Variants in XPO4 observed in about 807,000 individuals in gnomAD.
XPO4 encodes exportin-4.
XPO4 carries 39 observed loss-of-function variants against 143.0 expected under a neutral mutation model. The ratio of observed to expected loss-of-function variants is 0.27; its 90% CI spans 0.21 to 0.36. The LOEUF is 0.36. Among genes scored for constraint, XPO4 ranks in the 10% least tolerant of loss-of-function variants. The probability of loss-of-function intolerance (pLI) is 1.00; values close to 1 mark genes in which losing one functional copy is unlikely to be tolerated. For missense variants in XPO4, 907 were observed against 1,348.0 expected (o/e 0.67, Z 5.12); for synonymous variants, 439 against 474.0 (o/e 0.93, Z 0.96).
At chr13:20,857,619 C>T (rs1347513211) in intron 3 of XPO4, among the ~76,000 whole-genome samples, 2 of 151,794 alleles carry the variant, frequency 1.3e-5, no homozygotes, top group Non-Finnish European at 2.9e-5. Context: ...CCCAACTACT[C>T]GGGAGGCTGA....
intron 1 of XPO4, chr13:20,869,673 C>G (rs942857159): frequency 1.5e-5 from 11 of 740,302 alleles, no homozygotes; most frequent in Admixed American, 1.3e-4. Context: ...AAAAGTTATT[C>G]ACCCAGGAAA....
chr13:20,822,314 T>A, intron 7 of XPO4, 25 bp from the exon 8 acceptor site: 1 of 1,594,496 alleles, frequency 6.3e-7, no homozygotes, highest in East Asian at 2.2e-5. Context: ...TACTAATCCA[T>A]AAATATAAAT....
At chr13:20,805,226 T>G (rs2137871886) in intron 13 of XPO4, among the ~76,000 whole-genome samples, 1 of 152,306 alleles carries the variant, frequency 6.6e-6, no homozygotes, top group South Asian at 2.1e-4. Flanking sequence ...ATTACAGGTG[T>G]GAGCCACAGT....
intron 1 of XPO4, among the ~76,000 whole-genome samples, chr13:20,880,885 G>A (rs921758709): frequency 2.6e-5 from 4 of 151,300 alleles, no homozygotes; most frequent in African/African-American, 9.7e-5. Context: ...TTGAGCCTGG[G>A]AGGTCAAGGC....
chr13:20,858,205 A>G (rs1443896425), intron 3 of XPO4, among the ~76,000 whole-genome samples: 1 of 152,048 alleles, frequency 6.6e-6, no homozygotes, highest in Non-Finnish European at 1.5e-5. Context: ...ATATTAATAG[A>G]TCTGAAGTGA....
At chr13:20,869,434 T>A (rs1324461834) in intron 1 of XPO4, 7 of 797,362 alleles carry the variant, frequency 8.8e-6, no homozygotes. Context: ...TTTTAACCTA[T>A]TAAGACTTAC....
intron 4 of XPO4, chr13:20,849,200 T>C: frequency 1.0e-6 from 1 of 985,436 alleles, no homozygotes; most frequent in Non-Finnish European, 1.2e-6. Flanking sequence ...GAATAAACTT[T>C]ATGAAAGGTT....
intron 4 of XPO4, chr13:20,848,419 C>T (rs1360521911): frequency 6.1e-6 from 6 of 985,318 alleles, no homozygotes; most frequent in Non-Finnish European, 7.2e-6. Context: ...AGGGCTACCA[C>T]CCTCTGCCAT....
In XPO4 at chr13:20,780,197, CCAATAA is replaced by C. The variant is rs958477055; in HGVS notation, c.*3519_*3524del. Reference sequence around the variant, plus strand: ...AAAAGGTTAATGTTTTATTCAGGAACCAATAACAATAATTCCTCATCAAAGACAGCT... The same window carrying C: ...AAAAGGTTAATGTTTTATTCAGGAACCAATAATTCCTCATCAAAGACAGCT... On this transcript the variant is annotated 3_prime_UTR_variant, in exon 23 of 23. Coordinates refer to ENST00000255305, the MANE Select transcript of XPO4 (RefSeq NM_022459.5). 1 of 152,092 alleles carries C rather than the reference CCAATAA, an allele frequency of 6.6e-6. No individual in the cohort carries two copies. The highest frequency in any genetic ancestry group is 2.4e-5 in the African/African-American group (1 of 41,400). 9.4% of individuals were successfully genotyped at this position (152,092 alleles called of 1,614,324 possible). A position where few individuals can be genotyped will look rare whatever the true frequency, so the allele number is the denominator to read the frequency against.
In XPO4 at chr13:20,803,211, G is replaced by C. The variant is rs1469797906; in HGVS notation, c.1818-2221C>G. Among the ~76,000 whole-genome samples, 1 of 152,154 alleles carries C rather than the reference G, an allele frequency of 6.6e-6. No individual in the cohort carries two copies. The highest frequency in any genetic ancestry group is 1.5e-5 in the Non-Finnish European group (1 of 68,032). ...AATTATTTTTAATCATCTCTTGGTT[G>C]ATGTGATTAGGTCCTCTTGTTATTT... On this transcript the variant is annotated intron_variant, in intron 13 of 22. Coordinates refer to ENST00000255305, the MANE Select transcript of XPO4 (RefSeq NM_022459.5). This position sits in a 1 kb window ranked among gnomAD's most constrained non-coding sequence, Gnocchi z 4.1.
chr13:20,900,468 C>T (rs1012360268), intron 1 of XPO4, among the ~76,000 whole-genome samples: 3 of 152,078 alleles, frequency 2.0e-5, no homozygotes, highest in Non-Finnish European at 2.9e-5. Flanking sequence ...CTTGGCACAG[C>T]GCCTCCAACA....
intron 1 of XPO4, among the ~76,000 whole-genome samples, chr13:20,880,427 C>T (rs1033904149): frequency 2.7e-5 from 4 of 148,652 alleles, no homozygotes; most frequent in Middle Eastern, 3.7e-3. Flanking sequence ...AGCGAGACTC[C>T]GTCTCAAAAA....
intron 4 of XPO4, among the ~76,000 whole-genome samples, chr13:20,844,741 A>T (rs1483396686): frequency 3.3e-5 from 5 of 152,396 alleles, no homozygotes; most frequent in Non-Finnish European, 5.9e-5. Context: ...GGCAAATCTT[A>T]GCAAATAACT....
intron 6 of XPO4, among the ~76,000 whole-genome samples, chr13:20,830,979 T>C (rs965756251): frequency 8.4e-4 from 128 of 152,278 alleles, no homozygotes; most frequent in Non-Finnish European, 1.9e-4. Context: ...ACCATATCTT[T>C]ACATTCAAAA....
intron 1 of XPO4, among the ~76,000 whole-genome samples, chr13:20,898,511 G>C (rs529959089): frequency 6.6e-6 from 1 of 152,240 alleles, no homozygotes; most frequent in South Asian, 2.1e-4. Flanking sequence ...GTTACAGTGA[G>C]CTGAGATTGT....
chr13:20,879,311 A>C, intron 1 of XPO4: 1 of 985,406 alleles, frequency 1.0e-6, no homozygotes, highest in Non-Finnish European at 1.2e-6. Flanking sequence ...AGGGAAGAGA[A>C]AAAGAAGGGA....
intron 6 of XPO4, among the ~76,000 whole-genome samples, chr13:20,831,713 TTAAAAAA>T: frequency 6.6e-6 from 1 of 151,746 alleles, no homozygotes; most frequent in East Asian, 1.9e-4. Context: ...ACCCTTTATC[TTAAAAAA>T]AATCTATCAT....
At chr13:20,874,844 T>G (rs1487074211) in intron 1 of XPO4, among the ~76,000 whole-genome samples, 1 of 152,072 alleles carries the variant, frequency 6.6e-6, no homozygotes, top group African/African-American at 2.4e-5. Context: ...AATACAAAAA[T>G]TAGCCGGGCA....
At chr13:20,852,092 T>C (rs1381566734) in intron 4 of XPO4, 1 of 985,126 alleles carries the variant, frequency 1.0e-6, no homozygotes, top group African/African-American at 1.7e-5. Flanking sequence ...TTGTAGGGGG[T>C]GAGGGCAGGC....
Sources: gnomAD v4.1 joint callset for allele counts (sites outside exome capture counted in the v4.1 genomes callset) on GRCh38, gnomAD v4.1.1 for gene constraint, Gnocchi (gnomAD v3.1) non-coding constraint, MANE v1.5 for transcripts, NCBI Gene and HGNC (gene_info 2026-07-23, HGNC 2026-07-21) for gene names.